KSR2: variants seen among roughly 807,000 people sequenced by gnomAD.
The protein encoded by KSR2 is kinase suppressor of ras 2.
In KSR2, 25 loss-of-function variants were observed where a neutral mutation model predicts 107.8. The ratio of observed to expected loss-of-function variants is 0.23; its 90% confidence interval spans 0.17 to 0.32. The LOEUF is 0.32. Among genes scored for constraint, KSR2 ranks in the 10% least tolerant of loss-of-function variants. The pLI is 1.00. For synonymous variants in KSR2, 480 were observed against 507.0 expected, an observed-to-expected ratio of 0.95 and a Z score of 0.71; for missense variants, 887 against 1,268.9, an observed-to-expected ratio of 0.70 and a Z score of 4.57.
chr12:117,895,988 G>A (rs1894498693), intron 1 of KSR2, among the ~76,000 whole-genome samples: 1 of 152,112 alleles, frequency 6.6e-6, no homozygotes, highest in East Asian at 1.9e-4. Context: ...GAACCCAGAG[G>A]GCAGAGGTTG....
chr12:117,764,887 GGAC>G (rs1318098865), intron 3 of KSR2, among the ~76,000 whole-genome samples: 64 of 152,194 alleles, frequency 4.2e-4, no homozygotes, highest in African/African-American at 1.5e-3. Flanking sequence ...TAAAACTCAG[GGAC>G]TACTATGAGG....
chr12:117,582,988 T>C (rs1298369059), intron 5 of KSR2, among the ~76,000 whole-genome samples: 1 of 152,224 alleles, frequency 6.6e-6, no homozygotes, highest in African/African-American at 2.4e-5. Flanking sequence ...AGTACACTTA[T>C]TTTAAAAAGC....
intron 5 of KSR2, among the ~76,000 whole-genome samples, chr12:117,664,645 A>G (rs1272370254): frequency 6.6e-6 from 1 of 152,178 alleles, no homozygotes; most frequent in Non-Finnish European, 1.5e-5. Context: ...GCTAGACCTC[A>G]GAGTCACTGA....
chr12:117,656,940 G>GGAGATATATATATATATATATAATAGGA (rs146017185), intron 5 of KSR2, among the ~76,000 whole-genome samples: 2 of 36,702 alleles, frequency 5.4e-5, no homozygotes, highest in African/African-American at 1.8e-4. Context: ...ATATATAATA[G>GGAGATATATATATATATATATAATAGGA]GATATATATA....
chr12:117,807,623 G>A (rs1335096812), intron 3 of KSR2, among the ~76,000 whole-genome samples: 4 of 152,086 alleles, frequency 2.6e-5, no homozygotes, highest in Non-Finnish European at 5.9e-5. Context: ...TCTAGGGGAG[G>A]AAACTCACTG....
rs2081481594 is a variant in KSR2, at chr12:117,761,390, A to G, written c.607T>C (p.Ser203Pro). 4.4e-6 allele frequency: 7 copies of G among 1,606,972 alleles called. No homozygotes were observed. The highest frequency in any genetic ancestry group is 1.3e-5 in the African/African-American group (1 of 74,304). The change falls in exon 4 of 20, where the codon TCC becomes CCC. Residue 203 changes from serine to proline, a missense_variant. Ser to Pro is a moderately conservative substitution (Grantham distance 74, BLOSUM62 -1). This residue lies in a region of KSR2 where 399 missense variants were observed against 479.5 expected (regional missense o/e 0.83). Coordinates refer to ENST00000339824, the MANE Select transcript of KSR2 (RefSeq NM_173598.6). ...THLSQSPRVP[S>P]KCVQHYCHTS... ...TGACAATAGTGCTGGACGCACTTGG[A>G]CGGGACCCTGGGGCTCTGGGAGAGA...
At chr12:117,829,483 T>C (rs1247926162) in intron 3 of KSR2, among the ~76,000 whole-genome samples, 5 of 152,224 alleles carry the variant, frequency 3.3e-5, no homozygotes, top group Non-Finnish European at 7.3e-5. Flanking sequence ...TGCTCATCTC[T>C]AAATCTCTTG....
chr12:117,827,364 A>C (rs924862756), intron 3 of KSR2, among the ~76,000 whole-genome samples: 5 of 151,638 alleles, frequency 3.3e-5, no homozygotes, highest in Non-Finnish European at 5.9e-5. Context: ...CTGCCTCTAA[A>C]ATCACTTATC....
intron 1 of KSR2, among the ~76,000 whole-genome samples, chr12:117,959,771 A>T (rs1013609764): frequency 6.6e-6 from 1 of 151,822 alleles, no homozygotes; most frequent in Non-Finnish European, 1.5e-5. Flanking sequence ...TCTCTACAAA[A>T]TTTTTAAAAT....
chr12:117,622,947 G>T (rs1882271251), intron 5 of KSR2, among the ~76,000 whole-genome samples: 1 of 152,150 alleles, frequency 6.6e-6, no homozygotes, highest in Admixed American at 6.5e-5. Flanking sequence ...AGCATATTGA[G>T]GTAGGCATGC....
chr12:117,702,940 C>T (rs1886382873), intron 4 of KSR2, among the ~76,000 whole-genome samples: 1 of 152,178 alleles, frequency 6.6e-6, no homozygotes, highest in South Asian at 2.1e-4. Context: ...GGAGTGGAAG[C>T]CAGCCAGCTC....
chr12:117,658,074 A>C (rs1884262546), intron 5 of KSR2, among the ~76,000 whole-genome samples: 1 of 152,262 alleles, frequency 6.6e-6, no homozygotes, highest in African/African-American at 2.4e-5. Flanking sequence ...CATTAGCCTA[A>C]GAGTTCATGG....
At chr12:117,741,709 G>C (rs1381427337) in intron 4 of KSR2, among the ~76,000 whole-genome samples, 1 of 152,124 alleles carries the variant, frequency 6.6e-6, no homozygotes, top group East Asian at 1.9e-4. Flanking sequence ...TAGAAAAATA[G>C]TGTTACTATT....
At chr12:117,474,167 T>C (rs1375124894) in intron 17 of KSR2, among the ~76,000 whole-genome samples, 1 of 152,216 alleles carries the variant, frequency 6.6e-6, no homozygotes, top group Non-Finnish European at 1.5e-5. Flanking sequence ...AAACTCACTT[T>C]AAGGAAAAAA....
chr12:117,931,281 G>A (rs1016813113), intron 1 of KSR2, among the ~76,000 whole-genome samples: 4 of 152,112 alleles, frequency 2.6e-5, no homozygotes, highest in Admixed American at 1.3e-4. Context: ...GGCAGCCATC[G>A]AATACTTCTG....
intron 4 of KSR2, among the ~76,000 whole-genome samples, chr12:117,736,997 G>A (rs115766300): frequency 0.014 from 2,138 of 152,204 alleles, 53 homozygotes; most frequent in African/African-American, 0.049. Flanking sequence ...AGGGAAAACC[G>A]CATGGCTCCC....
intron 5 of KSR2, among the ~76,000 whole-genome samples, chr12:117,648,379 T>G (rs1883746729): frequency 6.6e-6 from 1 of 152,196 alleles, no homozygotes; most frequent in African/African-American, 2.4e-5. Context: ...ACTGCATCCT[T>G]CATCTCTGAT....
intron 19 of KSR2, 104 bp downstream of exon 19, chr12:117,469,558 G>A (rs1871317120): frequency 7.4e-7 from 1 of 1,359,948 alleles, no homozygotes; most frequent in Admixed American, 2.1e-5. Flanking sequence ...CACATGGATA[G>A]GAGCTTGTTG....
At chr12:117,562,743 A>C (rs1157603727) in intron 7 of KSR2, among the ~76,000 whole-genome samples, 3 of 152,056 alleles carry the variant, frequency 2.0e-5, no homozygotes, top group African/African-American at 7.2e-5. Flanking sequence ...TCTTGCAGTA[A>C]TGGAAAAGCC....
Sources: gnomAD v4.1 joint callset for allele counts (sites outside exome capture counted in the v4.1 genomes callset) on GRCh38, gnomAD v4.1.1 for gene constraint, gnomAD v4.1.1 regional missense constraint, MANE v1.5 for transcripts, NCBI Gene and HGNC (gene_info 2026-07-23, HGNC 2026-07-21) for gene names.